Variants in RTN4IP1 observed in about 807,000 individuals in gnomAD.
The protein encoded by RTN4IP1 is reticulon 4 interacting protein 1.
Under a neutral mutation model 46.6 loss-of-function variants are expected in RTN4IP1, and 32 were observed. The ratio of observed to expected loss-of-function variants is 0.69; its 90% CI spans 0.52 to 0.92. RTN4IP1 has a LOEUF of 0.92. Ranked by LOEUF, RTN4IP1 falls within the 40% of genes least tolerant of loss-of-function variation. The probability of loss-of-function intolerance (pLI) is 0.00; values close to 1 mark genes in which losing one functional copy is unlikely to be tolerated. For missense variants in RTN4IP1, 424 were observed against 485.8 expected (o/e 0.87, Z 1.20); for synonymous variants, 167 against 161.8 (o/e 1.03, Z -0.24).
intron 5 of RTN4IP1, among the ~76,000 whole-genome samples, chr6:106,596,704 A>G (rs911101756): frequency 1.3e-5 from 2 of 152,202 alleles, no homozygotes; most frequent in Non-Finnish European, 2.9e-5. Flanking sequence ...AACATTTACC[A>G]CTAGTCCTTA....
chr6:106,604,483 CCTT>C (rs1776013260), intron 4 of RTN4IP1, among the ~76,000 whole-genome samples: 1 of 152,134 alleles, frequency 6.6e-6, no homozygotes, highest in Non-Finnish European at 1.5e-5. Flanking sequence ...GTCTCTCTGA[CCTT>C]CTCTCACCAT....
At chr6:106,579,964 C>T (rs180974262) in intron 8 of RTN4IP1, among the ~76,000 whole-genome samples, 28 of 151,752 alleles carry the variant, frequency 1.8e-4, no homozygotes, top group Admixed American at 1.4e-3. Flanking sequence ...CCTGTAATCC[C>T]AACACTTTGG....
intron 8 of RTN4IP1, among the ~76,000 whole-genome samples, chr6:106,575,332 G>C (rs1775198890): frequency 6.6e-6 from 1 of 152,156 alleles, no homozygotes; most frequent in Admixed American, 6.6e-5. Flanking sequence ...ATTCATGTGT[G>C]GGGTGCTGAT....
intron 5 of RTN4IP1, among the ~76,000 whole-genome samples, chr6:106,592,689 C>T (rs1332866819): frequency 3.3e-5 from 5 of 151,998 alleles, no homozygotes; most frequent in South Asian, 2.1e-4. Context: ...TTTGGGAGGC[C>T]GAGACAGGTG....
intron 4 of RTN4IP1, among the ~76,000 whole-genome samples, chr6:106,606,429 A>T (rs1038649503): frequency 2.6e-5 from 4 of 152,098 alleles, no homozygotes; most frequent in Non-Finnish European, 4.4e-5. Flanking sequence ...CCAAAAAGAA[A>T]TTTTTTTAAA....
At chr6:106,619,603 T>G (rs1410983556) in intron 3 of RTN4IP1, among the ~76,000 whole-genome samples, 1 of 146,900 alleles carries the variant, frequency 6.8e-6, no homozygotes, top group Non-Finnish European at 1.5e-5. Context: ...TATACTTTTC[T>G]TCATTTTTTT....
At position 106,622,950 on chromosome 6, in the gene RTN4IP1, A is replaced by C. The variant is rs746261147; in HGVS notation, c.294T>G (p.Ala98=). ...VNMRSGYGAT[A]LNMKRDPLHV... The stretch of plus-strand genomic sequence containing the variant: ...GTAAAGGATCACGCTTCATATTTAA[A>C]GCTGTAGCTCCATAACCACCTGTAA... Residue 98 remains alanine, a synonymous_variant, in exon 2 of 9, where the codon GCT becomes GCG. Transcript: ENST00000369063. 4 of 1,614,148 alleles carry C rather than the reference A, an allele frequency of 2.5e-6. No homozygotes were observed. Among genetic ancestry groups the C allele is most frequent in the Non-Finnish European group, 3.4e-6 (4 of 1,180,004 alleles).
chr6:106,605,871 C>T (rs531963584), intron 4 of RTN4IP1, among the ~76,000 whole-genome samples: 3 of 149,136 alleles, frequency 2.0e-5, no homozygotes, highest in South Asian at 2.1e-4. Flanking sequence ...TACACTACTG[C>T]GCTCACCCAG....
chr6:106,598,005 T>C (rs1273926895), intron 5 of RTN4IP1, among the ~76,000 whole-genome samples: 1 of 152,200 alleles, frequency 6.6e-6, no homozygotes, highest in Non-Finnish European at 1.5e-5. Context: ...TTCATCCATG[T>C]CCCTACAAAG....
intron 4 of RTN4IP1, among the ~76,000 whole-genome samples, chr6:106,604,501 G>C (rs1037641799): frequency 1.3e-5 from 2 of 152,052 alleles, no homozygotes; most frequent in African/African-American, 4.8e-5. Context: ...CACCATCCCG[G>C]CCACGGTCTC....
In RTN4IP1 at chr6:106,607,283, CA is replaced by C. The variant is rs34416548; in HGVS notation, c.621-4362del. On this transcript the variant is annotated intron_variant, in intron 4 of 8. Transcript: ENST00000369063. Reference sequence around the variant, plus strand: ...GAATTAAAGACTTAAACATAAGACCCAAAAAAAAACTATTAGAAGAAAGCAT... The same window carrying C: ...GAATTAAAGACTTAAACATAAGACCCAAAAAAAACTATTAGAAGAAAGCAT... Among the ~76,000 whole-genome samples, 444 of 149,442 alleles carry C rather than the reference CA, an allele frequency of 3.0e-3. 3 individuals are homozygous for C. Among genetic ancestry groups the C allele is most frequent in the African/African-American group, 0.011 (430 of 40,730 alleles).
chr6:106,595,029 T>C (rs1775749256), intron 5 of RTN4IP1, among the ~76,000 whole-genome samples: 2 of 152,202 alleles, frequency 1.3e-5, no homozygotes, highest in Non-Finnish European at 2.9e-5. Flanking sequence ...CTTGAACTCC[T>C]GAGCTCACGT....
rs1776486514 is a variant in RTN4IP1 at position 106,621,507 on chromosome 6, A to G, written c.427-14T>C. The G allele has an allele frequency of 1.9e-6, 3 of 1,610,702 alleles. No individual in the cohort carries two copies. Among genetic ancestry groups the G allele is most frequent in the East Asian group, 4.5e-5 (2 of 44,860 alleles). Reference sequence around the variant, plus strand: ...TGCAGCCCAGACCTGAAACACACACAGACAGACAGCTTCATTAGAAACACA... The same window carrying G: ...TGCAGCCCAGACCTGAAACACACACGGACAGACAGCTTCATTAGAAACACA... On this transcript the variant is annotated splice_polypyrimidine_tract_variant and intron_variant, in intron 2 of 8. Transcript: ENST00000369063.
rs1272745177 is a variant in RTN4IP1, at chr6:106,592,175, TTTCAAC to T, written c.789_794del (p.Leu264_Lys265del). Reference sequence around the variant, plus strand: ...GTTCTAATACATACGGTTTTAAGGATTTCAACTGCTCTTCCACACTTCCAGATTTGT... The same window carrying T: ...GTTCTAATACATACGGTTTTAAGGATTGCTCTTCCACACTTCCAGATTTGT... On this transcript the variant is annotated inframe_deletion, in exon 6 of 9. Transcript: ENST00000369063. 3.7e-6 allele frequency: 6 copies of T among 1,613,884 alleles called. No homozygotes were observed. Among genetic ancestry groups the T allele is most frequent in the Non-Finnish European group, 5.1e-6 (6 of 1,179,976 alleles).
chr6:106,597,798 A>T (rs1357471493), intron 5 of RTN4IP1, among the ~76,000 whole-genome samples: 23 of 150,222 alleles, frequency 1.5e-4, no homozygotes, highest in African/African-American at 5.6e-4. Flanking sequence ...GCACCCACTA[A>T]CTCGTCATCT....
intron 8 of RTN4IP1, among the ~76,000 whole-genome samples, chr6:106,573,340 T>C (rs193271311): frequency 6.6e-6 from 1 of 152,372 alleles, no homozygotes; most frequent in Non-Finnish European, 1.5e-5. Context: ...TACGCTTTCC[T>C]TTTACAAGAG....
At chr6:106,582,044 C>G (rs1469636007) in intron 8 of RTN4IP1, among the ~76,000 whole-genome samples, 1 of 152,122 alleles carries the variant, frequency 6.6e-6, no homozygotes, top group East Asian at 1.9e-4. Context: ...AACACTGAGC[C>G]CCTGTCCCTA....
At chr6:106,623,003 G>A in intron 1 of RTN4IP1, 34 bp from the exon 2 acceptor site, 2 of 1,605,742 alleles carry the variant, frequency 1.2e-6, no homozygotes, top group South Asian at 2.2e-5. Flanking sequence ...TCCTCCAAAT[G>A]TAAGTATGAA....
chr6:106,586,453 C>A (rs2114632478), intron 7 of RTN4IP1, among the ~76,000 whole-genome samples: 1 of 152,012 alleles, frequency 6.6e-6, no homozygotes, highest in South Asian at 2.1e-4. Context: ...TGGCTCACAC[C>A]CTCTGTCTCC....
Sources: gnomAD v4.1 joint callset for allele counts (sites outside exome capture counted in the v4.1 genomes callset) on GRCh38, gnomAD v4.1.1 for gene constraint, MANE v1.5 for transcripts, NCBI Gene and HGNC (gene_info 2026-07-23, HGNC 2026-07-21) for gene names.